Variants in TLK1 observed in about 807,000 individuals in gnomAD.
TLK1 encodes tousled like kinase 1.
In TLK1, 24 loss-of-function variants were observed where a neutral mutation model predicts 105.3. That is an observed-to-expected ratio of 0.23 (90% CI 0.17 to 0.32). The LOEUF is 0.32. Ranked by LOEUF, TLK1 falls within the 10% of genes least tolerant of loss-of-function variation. The probability of loss-of-function intolerance (pLI) is 1.00; values close to 1 mark genes in which losing one functional copy is unlikely to be tolerated. For synonymous variants in TLK1, 321 were observed against 310.4 expected, an observed-to-expected ratio of 1.03 and a Z score of -0.36; for missense variants, 558 against 910.5, an observed-to-expected ratio of 0.61 and a Z score of 4.98.
chr2:171,131,215 A>C (rs1691095978), intron 1 of TLK1, among the ~76,000 whole-genome samples: 1 of 152,186 alleles, frequency 6.6e-6, no homozygotes, highest in South Asian at 2.1e-4. Flanking sequence ...ACTATTTTTA[A>C]CAGGTTAAAT....
At chr2:171,032,398 C>T (rs895200958) in intron 11 of TLK1, among the ~76,000 whole-genome samples, 4 of 152,078 alleles carry the variant, frequency 2.6e-5, no homozygotes, top group Admixed American at 2.6e-4. Context: ...TTTGGCAAAG[C>T]TGCAGGGTAT....
chr2:171,143,386 T>C (rs1691661874), intron 1 of TLK1, among the ~76,000 whole-genome samples: 1 of 150,764 alleles, frequency 6.6e-6, no homozygotes, highest in South Asian at 2.1e-4. Flanking sequence ...ATGCCTGTAA[T>C]CCCCACCTAC....
chr2:171,007,121 TG>T (rs1336581795), intron 14 of TLK1, 58 bp from the exon 15 acceptor site: 2 of 1,428,208 alleles, frequency 1.4e-6, no homozygotes, highest in African/African-American at 1.4e-5. Flanking sequence ...GCTGAAGAGA[TG>T]TTTTTTATTT....
rs71013025 is a variant in TLK1 at position 171,223,481 on chromosome 2, CT to C, written c.-6+7663del. On this transcript the variant is annotated intron_variant, in intron 1 of 20. Coordinates refer to the TLK1 transcript ENST00000521943. ...TAAATGTCTATTCAGGTATTTTGCA[CT>C]TTTTTTTTTTTTTTTTGGAAGGACT... 2.7e-4 allele frequency among the ~76,000 whole-genome samples: 34 copies of C among 126,974 alleles called. No homozygotes were observed. In the South Asian group the frequency reaches 2.7e-3, roughly 10 times the overall value. The allele number at this position is 126,974 out of a possible 152,430, so 83.3% of individuals were successfully genotyped here. A position where few individuals can be genotyped will look rare whatever the true frequency, so the allele number is the denominator to read the frequency against.
At chr2:171,072,226 G>A (rs997951877) in intron 3 of TLK1, among the ~76,000 whole-genome samples, 1 of 152,198 alleles carries the variant, frequency 6.6e-6, no homozygotes, top group Non-Finnish European at 1.5e-5. Flanking sequence ...TCCATTCCAT[G>A]ACCATGGAAT....
At chr2:171,175,719 T>G (rs966759074) in intron 1 of TLK1, among the ~76,000 whole-genome samples, 1 of 152,198 alleles carries the variant, frequency 6.6e-6, no homozygotes, top group Non-Finnish European at 1.5e-5. Context: ...AGCTGATTGC[T>G]CCCTTCTTCT....
rs567098923 is a variant in TLK1 at position 171,062,019 on chromosome 2, C to T, written c.331-863G>A. 5.9e-5 allele frequency among the ~76,000 whole-genome samples: 9 copies of T among 152,308 alleles called. No individual in the cohort carries two copies. In the South Asian group the frequency reaches 1.7e-3, roughly 28 times the overall value. ...CTTTTTACAAAAAAAGTTAACAGATCCCTGCTCTAGATGGTGGCTCTGGTT... is the reference window on the plus strand; with the variant it reads ...CTTTTTACAAAAAAAGTTAACAGATTCCTGCTCTAGATGGTGGCTCTGGTT... On this transcript the variant is annotated intron_variant, in intron 3 of 20. Transcript: ENST00000431350.
chr2:171,013,852 TC>T (rs1162951782), intron 13 of TLK1, among the ~76,000 whole-genome samples: 7 of 152,244 alleles, frequency 4.6e-5, no homozygotes, highest in African/African-American at 1.7e-4. Context: ...ACCTTTCCTC[TC>T]TTGTACATCA....
intron 3 of TLK1, among the ~76,000 whole-genome samples, chr2:171,077,432 A>G (rs1031303267): frequency 2.0e-5 from 3 of 152,180 alleles, no homozygotes; most frequent in African/African-American, 4.8e-5. Context: ...CTGACTCTAG[A>G]TACTGTCTCC....
At position 170,992,660 on chromosome 2, in the gene TLK1, C is replaced by T. The variant is rs559662368; in HGVS notation, c.*1120G>A. 6.5e-6 allele frequency: 1 copy of T among 152,672 alleles called. No homozygotes were observed. The highest frequency in any genetic ancestry group is 1.9e-4 in the East Asian group (1 of 5,186). The allele number at this position is 152,672 out of a possible 1,614,324, so 9.5% of individuals were successfully genotyped here. A position where few individuals can be genotyped will look rare whatever the true frequency, so the allele number is the denominator to read the frequency against. ...TTATGTCCAACATGGATCACTTTTA[C>T]ATCTTGATTGTTAATGACTGTCTGC... On this transcript the variant is annotated 3_prime_UTR_variant, in exon 21 of 21. Coordinates refer to ENST00000431350, the MANE Select transcript of TLK1 (RefSeq NM_012290.5).
At chr2:171,138,123 G>A (rs1691414515) in intron 1 of TLK1, among the ~76,000 whole-genome samples, 1 of 152,118 alleles carries the variant, frequency 6.6e-6, no homozygotes, top group African/African-American at 2.4e-5. Context: ...GCTCAAGGGG[G>A]TAGAGATAGG....
chr2:171,156,897 C>G (rs1275847338), intron 1 of TLK1, among the ~76,000 whole-genome samples: 1 of 152,160 alleles, frequency 6.6e-6, no homozygotes, highest in Non-Finnish European at 1.5e-5. Context: ...ATGACGCTAT[C>G]TAGGCTTACC....
At chr2:171,186,788 G>A (rs1223259854) in intron 1 of TLK1, among the ~76,000 whole-genome samples, 2 of 151,976 alleles carry the variant, frequency 1.3e-5, no homozygotes, top group Non-Finnish European at 2.9e-5. Flanking sequence ...GGCTGGGCAC[G>A]GTGGCTCATC....
Position 171,058,137 on chromosome 2 carries a change from C to T in TLK1, c.453+14G>A, listed in dbSNP as rs1214270341. ...ACTGAATTAGGAAATGGAGACAATCCTCAATGAACTTACTTCAAAATAGTC... is the reference window on the plus strand; with the variant it reads ...ACTGAATTAGGAAATGGAGACAATCTTCAATGAACTTACTTCAAAATAGTC... On this transcript the variant is annotated intron_variant, in intron 5 of 20. Transcript: ENST00000431350. 11 of 1,613,050 alleles carry T rather than the reference C, an allele frequency of 6.8e-6. No homozygotes were observed. Among genetic ancestry groups the T allele is most frequent in the Non-Finnish European group, 9.3e-6 (11 of 1,179,338 alleles).
intron 1 of TLK1, among the ~76,000 whole-genome samples, chr2:171,193,939 C>G (rs1216436455): frequency 6.6e-6 from 1 of 151,400 alleles, no homozygotes. Context: ...AGGCTGATCT[C>G]AAACTCCTGA....
intron 1 of TLK1, among the ~76,000 whole-genome samples, chr2:171,205,727 G>C (rs1693494180): frequency 6.6e-6 from 1 of 152,178 alleles, no homozygotes; most frequent in African/African-American, 2.4e-5. Context: ...TTCACACTTG[G>C]TAACAGCTGT....
chr2:171,204,815 G>T (rs1278785939), intron 1 of TLK1, among the ~76,000 whole-genome samples: 7 of 152,020 alleles, frequency 4.6e-5, no homozygotes, highest in African/African-American at 1.7e-4. Flanking sequence ...AAAATTAGCT[G>T]GGCGTGGTGG....
intron 14 of TLK1, among the ~76,000 whole-genome samples, chr2:171,007,779 T>C (rs1477041250): frequency 2.6e-5 from 4 of 152,146 alleles, no homozygotes; most frequent in African/African-American, 9.6e-5. Context: ...CACACCTAAC[T>C]ACATCAGTAA....
At chr2:171,071,834 G>A (rs1688271404) in intron 3 of TLK1, among the ~76,000 whole-genome samples, 1 of 152,136 alleles carries the variant, frequency 6.6e-6, no homozygotes, top group South Asian at 2.1e-4. Flanking sequence ...TTATTGAACA[G>A]ACTGTCCTTT....
Sources: allele counts gnomAD v4.1 joint callset (sites outside exome capture counted in the v4.1 genomes callset), GRCh38; gene constraint gnomAD v4.1.1; transcripts MANE v1.5; gene names NCBI Gene and HGNC (gene_info 2026-07-23, HGNC 2026-07-21).